Variants in PRKN observed in about 807,000 individuals in gnomAD.
PRKN encodes the protein parkin RBR E3 ubiquitin protein ligase, also known as E3 ubiquitin-protein ligase parkin.
A neutral mutation model predicts 59.5 loss-of-function variants in PRKN; 56 were observed. The observed-to-expected ratio is 0.94, with a 90% CI of 0.76 to 1.18. The LOEUF is 1.18. Ranked by LOEUF, PRKN falls within the 50% of genes most tolerant of loss-of-function variation. PRKN has a pLI of 0.00. For missense variants in PRKN, 657 were observed against 596.4 expected (o/e 1.10, Z -1.06); for synonymous variants, 250 against 222.1 (o/e 1.13, Z -1.12).
intron 7 of PRKN, among the ~76,000 whole-genome samples, chr6:161,655,572 C>G (rs1784315378): frequency 6.6e-6 from 1 of 152,244 alleles, no homozygotes; most frequent in Non-Finnish European, 1.5e-5. Context: ...TCCACTCCAT[C>G]TGGGGCTAAG....
At chr6:162,055,697 G>A (rs1486642935) in intron 4 of PRKN, among the ~76,000 whole-genome samples, 1 of 152,142 alleles carries the variant, frequency 6.6e-6, no homozygotes, top group African/African-American at 2.4e-5. Context: ...AGGACTCAGG[G>A]GCAGAGGCTG....
At chr6:161,728,181 G>T (rs1378631464) in intron 7 of PRKN, among the ~76,000 whole-genome samples, 3 of 151,760 alleles carry the variant, frequency 2.0e-5, no homozygotes, top group African/African-American at 7.3e-5. Flanking sequence ...TCTGTTTAAA[G>T]TTCTCTCAGT....
intron 6 of PRKN, among the ~76,000 whole-genome samples, chr6:161,946,451 C>CTCTCTCT (rs1554253070): frequency 5.7e-4 from 78 of 136,664 alleles, no homozygotes; most frequent in African/African-American, 1.8e-3. Flanking sequence ...CTCTCTCTCT[C>CTCTCTCT]AATACAAAAG....
At chr6:161,772,621 C>T (rs58242744) in intron 7 of PRKN, among the ~76,000 whole-genome samples, 15 of 152,268 alleles carry the variant, frequency 9.9e-5, no homozygotes, top group African/African-American at 3.6e-4. Flanking sequence ...ATATAAGACG[C>T]ACTCTCACCA....
chr6:162,604,444 G>A (rs1781827036), intron 1 of PRKN, among the ~76,000 whole-genome samples: 1 of 152,058 alleles, frequency 6.6e-6, no homozygotes, highest in Non-Finnish European at 1.5e-5. Context: ...AATATTGATT[G>A]GAAAAGCACT....
At chr6:161,873,403 G>A (rs181697635) in intron 6 of PRKN, among the ~76,000 whole-genome samples, 1 of 152,092 alleles carries the variant, frequency 6.6e-6, no homozygotes, top group East Asian at 1.9e-4. Flanking sequence ...ACACAGTCAC[G>A]AGACAGAAGA....
intron 7 of PRKN, among the ~76,000 whole-genome samples, chr6:161,771,441 G>A (rs1276166634): frequency 6.6e-6 from 1 of 151,712 alleles, no homozygotes; most frequent in Non-Finnish European, 1.5e-5. Context: ...GCTGTCACAG[G>A]TAGCAGCTTG....
intron 2 of PRKN, among the ~76,000 whole-genome samples, chr6:162,360,000 A>G (rs972092588): frequency 6.6e-6 from 1 of 152,120 alleles, no homozygotes; most frequent in Non-Finnish European, 1.5e-5. Flanking sequence ...CATGTCATAC[A>G]ATATTTTATA....
chr6:161,970,235 T>C (rs1780748289), intron 6 of PRKN, among the ~76,000 whole-genome samples: 1 of 151,588 alleles, frequency 6.6e-6, no homozygotes, highest in Admixed American at 6.6e-5. Context: ...AGGGACAGGG[T>C]CTTGCCATGT....
At chr6:162,259,530 T>C (rs1223701707) in intron 3 of PRKN, among the ~76,000 whole-genome samples, 1 of 152,262 alleles carries the variant, frequency 6.6e-6, no homozygotes, top group Non-Finnish European at 1.5e-5. Flanking sequence ...TGTGAATCTC[T>C]GCTCTAGTAA....
chr6:162,230,679 A>G (rs1778382967), intron 3 of PRKN, among the ~76,000 whole-genome samples: 1 of 152,334 alleles, frequency 6.6e-6, no homozygotes, highest in Non-Finnish European at 1.5e-5. Context: ...GGAGGGTCAC[A>G]GAAATCTAAT....
intron 7 of PRKN, among the ~76,000 whole-genome samples, chr6:161,589,778 C>CTT (rs201984579): frequency 1.2e-3 from 148 of 124,100 alleles, no homozygotes; most frequent in Non-Finnish European, 1.8e-3. Flanking sequence ...GGATTAAATT[C>CTT]TTTTTTTTTT....
At chr6:162,506,251 C>CA (rs10528135) in intron 1 of PRKN, among the ~76,000 whole-genome samples, 2,487 of 95,094 alleles carry the variant, frequency 0.026, 48 homozygotes, top group African/African-American at 0.063. Context: ...AAAGAGGAAG[C>CA]AAAAAAAAAA....
intron 1 of PRKN, among the ~76,000 whole-genome samples, chr6:162,510,900 G>T (rs995997434): frequency 3.3e-5 from 5 of 151,904 alleles, no homozygotes; most frequent in Non-Finnish European, 7.4e-5. Flanking sequence ...TCCACCCTGG[G>T]CAATAGAGCG....
At chr6:161,553,010 C>T (rs976927900) in intron 8 of PRKN, among the ~76,000 whole-genome samples, 11 of 151,192 alleles carry the variant, frequency 7.3e-5, no homozygotes, top group South Asian at 2.1e-4. Flanking sequence ...AGGATGATCT[C>T]GATCTCCTGA....
At chr6:161,623,361 A>G (rs577346698) in intron 7 of PRKN, among the ~76,000 whole-genome samples, 33 of 152,360 alleles carry the variant, frequency 2.2e-4, no homozygotes, top group African/African-American at 7.0e-4. Flanking sequence ...GTGAATGCAT[A>G]AATAATAGAT....
chr6:162,236,963 C>T (rs1778758214), intron 3 of PRKN, among the ~76,000 whole-genome samples: 2 of 151,964 alleles, frequency 1.3e-5, no homozygotes, highest in Admixed American at 6.6e-5. Flanking sequence ...GCCCCTTTTG[C>T]CTAACCCTTG....
intron 4 of PRKN, among the ~76,000 whole-genome samples, chr6:162,184,954 A>G (rs1783961089): frequency 6.6e-6 from 1 of 152,078 alleles, no homozygotes; most frequent in Admixed American, 6.6e-5. Flanking sequence ...CAAAACTGTA[A>G]TCTTAAAATA....
At chr6:162,601,489 T>G (rs1006988414) in intron 1 of PRKN, among the ~76,000 whole-genome samples, 5 of 152,230 alleles carry the variant, frequency 3.3e-5, no homozygotes, top group African/African-American at 7.2e-5. Context: ...ATCTTGCTGC[T>G]GATGGGCAGT....
Sources: gnomAD v4.1 joint callset for allele counts (sites outside exome capture counted in the v4.1 genomes callset) on GRCh38, gnomAD v4.1.1 for gene constraint, MANE v1.5 for transcripts, NCBI Gene and HGNC (gene_info 2026-07-23, HGNC 2026-07-21) for gene names.